Variants in BOD1L1 observed in about 807,000 individuals in gnomAD.
The protein encoded by BOD1L1 is biorientation of chromosomes in cell division protein 1-like 1.
BOD1L1 carries 86 observed loss-of-function variants against 240.7 expected under a neutral mutation model. The ratio of observed to expected loss-of-function variants is 0.36; its 90% CI spans 0.30 to 0.43. The LOEUF is 0.43. Ranked by LOEUF, BOD1L1 falls within the 20% of genes least tolerant of loss-of-function variation. The pLI is 1.00. For synonymous variants in BOD1L1, 1,268 were observed against 1,272.3 expected (o/e 1.00, Z 0.07); for missense variants, 3,554 against 3,643.5 (o/e 0.98, Z 0.63).
intron 6 of BOD1L1, among the ~76,000 whole-genome samples, chr4:13,610,288 T>G (rs368022498): frequency 6.6e-6 from 1 of 152,244 alleles, no homozygotes; most frequent in Non-Finnish European, 1.5e-5. Context: ...AATAGGTAAA[T>G]AGCATTTCCA....
chr4:13,571,503 C>T (rs182641867), intron 25 of BOD1L1, among the ~76,000 whole-genome samples: 6 of 152,342 alleles, frequency 3.9e-5, no homozygotes, highest in Admixed American at 3.9e-4. Flanking sequence ...ACTCAATGAA[C>T]ACCTCTTCAG....
At chr4:13,594,886 C>T (rs1221437736) in intron 12 of BOD1L1, among the ~76,000 whole-genome samples, 2 of 152,142 alleles carry the variant, frequency 1.3e-5, no homozygotes, top group African/African-American at 4.8e-5. Flanking sequence ...CAGAGTGAGA[C>T]TCCATCTCAA....
At chr4:13,588,697 A>C (rs1221102288) in intron 15 of BOD1L1, 25 bp downstream of exon 15, 11 of 1,539,838 alleles carry the variant, frequency 7.1e-6, no homozygotes, top group Non-Finnish European at 9.7e-6. Context: ...TAAAATATCA[A>C]ACACTTGAGT....
At chr4:13,595,710 A>G (rs1189135714) in intron 12 of BOD1L1, 150 bp downstream of exon 12, 29 of 552,182 alleles carry the variant, frequency 5.3e-5, no homozygotes, top group Non-Finnish European at 8.6e-5. Flanking sequence ...ATAAAATAGT[A>G]AAGAATTCTC....
In BOD1L1 at chr4:13,602,009, G is replaced by C. The variant is rs773987899; in HGVS notation, c.4891C>G (p.Leu1631Val). ...AESEDRAADL[L>V]AVHAVKIEAN... ...TCGATTTTAACTGCATGCACAGCCAGTAGGTCTGCTGCTCTGTCCTCAGAT... is the reference window on the plus strand; with the variant it reads ...TCGATTTTAACTGCATGCACAGCCACTAGGTCTGCTGCTCTGTCCTCAGAT... Residue 1631 changes from leucine (L) to valine (V), a missense_variant, in exon 10 of 26, where the codon CTG (leucine) becomes GTG (valine). Leu to Val is a conservative substitution (Grantham distance 32). Around this residue, in one of 2 missense-constraint regions of BOD1L1, gnomAD observed 3,393 missense variants for 3,427.1 expected, o/e 0.99. Coordinates refer to ENST00000040738, the MANE Select transcript of BOD1L1 (RefSeq NM_148894.3). 3.0e-5 allele frequency: 48 copies of C among 1,613,868 alleles called. No homozygotes were observed. Among genetic ancestry groups the C allele is most frequent in the Non-Finnish European group, 8.5e-6 (10 of 1,179,906 alleles).
At chr4:13,584,275 A>G (rs139581236) in intron 17 of BOD1L1, among the ~76,000 whole-genome samples, 93 of 152,300 alleles carry the variant, frequency 6.1e-4, no homozygotes, top group Non-Finnish European at 9.7e-4. Flanking sequence ...TTATCAGCAC[A>G]TCAACACTGA....
At position 13,599,079 on chromosome 4, in the gene BOD1L1, A is replaced by G. The variant is rs1714850908; in HGVS notation, c.7821T>C (p.Asn2607=). 1.2e-6 allele frequency: 2 copies of G among 1,613,934 alleles called. No homozygotes were observed. Among genetic ancestry groups the G allele is most frequent in the East Asian group, 2.2e-5 (1 of 44,868 alleles). Residue 2607 remains asparagine, a synonymous_variant, in exon 10 of 26, where the codon AAT becomes AAC. Transcript: ENST00000040738. ...GATCAGTCCATTTGCCACTATAATCATTCTTTATAGTCAAGTCCTGCTCAC... is the reference window on the plus strand; with the variant it reads ...GATCAGTCCATTTGCCACTATAATCGTTCTTTATAGTCAAGTCCTGCTCAC... ...PKCEQDLTIK[N]DYSGKWTDQA...
chr4:13,586,133 A>G (rs1713665993), intron 17 of BOD1L1, among the ~76,000 whole-genome samples: 1 of 152,184 alleles, frequency 6.6e-6, no homozygotes, highest in Non-Finnish European at 1.5e-5. Context: ...AATCAATACT[A>G]CTACTGAACA....
rs1028957072 is a variant in BOD1L1 at position 13,608,418 on chromosome 4, T to C, written c.1742+112A>G. 1.6e-4 allele frequency: 141 copies of C among 900,074 alleles called. 1 individual carries two copies. Among genetic ancestry groups the C allele is most frequent in the Non-Finnish European group, 2.1e-4 (138 of 647,366 alleles). The allele number at this position is 900,074 out of a possible 1,614,324, so 55.8% of individuals were successfully genotyped here. On this transcript the variant is annotated intron_variant, in intron 8 of 25. Transcript: ENST00000040738. ...GAAACCCTAAGGTCCTTCATAAACA[T>C]GCAGTAACATACACAACCAAAGTAC...
In BOD1L1 at chr4:13,613,741, C is replaced by G. The variant is rs1716360660; in HGVS notation, c.1175-80G>C. On this transcript the variant is annotated intron_variant, in intron 4 of 25. Transcript: ENST00000040738. This position sits in a 1 kb window ranked among gnomAD's most constrained non-coding sequence, Gnocchi z 4.0. ...CTCAGAGCTCAATTACTAAATTACA[C>G]TTAAAATTTTCTGCTTTAAATACGT... The G allele has an allele frequency of 2.5e-6, 3 of 1,181,354 alleles. No individual in the cohort carries two copies. The highest frequency in any genetic ancestry group is 3.0e-5 in the African/African-American group (2 of 65,626). 73.2% of individuals were successfully genotyped at this position (1,181,354 alleles called of 1,614,324 possible).
In BOD1L1 at chr4:13,601,250, A is replaced by T; in HGVS notation, c.5650T>A (p.Ser1884Thr). 1 of 1,613,924 alleles carries T rather than the reference A, an allele frequency of 6.2e-7. No individual in the cohort carries two copies. The highest frequency in any genetic ancestry group is 8.5e-7 in the Non-Finnish European group (1 of 1,179,878). The change falls in exon 10 of 26, where the codon TCA becomes ACA. Residue 1884 changes from serine to threonine, a missense_variant. By Grantham distance (58) the Ser-to-Thr change is moderately conservative. Transcript: ENST00000040738. ...TGRGNEIGHASTCTGLGEESE... is the reference protein window; with the variant it reads ...TGRGNEIGHATTCTGLGEESE... The stretch of plus-strand genomic sequence containing the variant: ...TCTTCTCCTAACCCTGTACAAGTTG[A>T]AGCATGCCCAATTTCATTTCCTCTT...
chr4:13,607,149 C>G lies in BOD1L1; in HGVS notation c.1783G>C (p.Glu595Gln). ...GTTTTAAGGGTTTCTTTGGAATCTT[C>G]TTCATATTGCTGTTTCTTTTTGGAG... ...ENSKKKQQYE[E>Q]DSKETLKTSE... Residue 595 changes from glutamate to glutamine, a missense_variant, in exon 9 of 26, where the codon GAA (glutamate) becomes CAA (glutamine). This residue lies in a region of BOD1L1 where 3,393 missense variants were observed against 3,427.1 expected (regional missense o/e 0.99). Transcript: ENST00000040738. 1 of 1,574,446 alleles carries G rather than the reference C, an allele frequency of 6.4e-7. No homozygotes were observed. Among genetic ancestry groups the G allele is most frequent in the Non-Finnish European group, 8.6e-7 (1 of 1,160,238 alleles).
chr4:13,588,373 C>T (rs1713897875), intron 15 of BOD1L1, among the ~76,000 whole-genome samples: 2 of 152,104 alleles, frequency 1.3e-5, no homozygotes, highest in African/African-American at 4.8e-5. Context: ...TATCATTTCA[C>T]CATTTCTGAA....
chr4:13,626,536 C>A (rs1319786030), intron 1 of BOD1L1, among the ~76,000 whole-genome samples: 1 of 152,140 alleles, frequency 6.6e-6, no homozygotes, highest in Non-Finnish European at 1.5e-5. Flanking sequence ...CTTTGCCAAT[C>A]CAGCTAAGTT....
chr4:13,627,253 G>A (rs992455257), intron 1 of BOD1L1, 92 bp downstream of exon 1: 10 of 608,234 alleles, frequency 1.6e-5, no homozygotes, highest in Non-Finnish European at 2.0e-5. Context: ...GTGGCACACA[G>A]CTGCAGCTCC....
rs1250605898 is a variant in BOD1L1, at chr4:13,581,152, A to G, written c.8648T>C (p.Val2883Ala). 3 of 1,577,394 alleles carry G rather than the reference A, an allele frequency of 1.9e-6. No individual in the cohort carries two copies. The highest frequency in any genetic ancestry group is 2.6e-6 in the Non-Finnish European group (3 of 1,159,424). ...CCTACTCATTTTTAACGTTGTTTCT[A>G]CAGGGTATTTGCGAGGTCTTCCTCT... The part of the protein sequence containing the change: ...RKRGRPRKYP[V>A]ETTLKMKDDS... The change falls in exon 20 of 26, where the codon GTA (valine) becomes GCA (alanine). Residue 2883 changes from valine (V) to alanine (A), a missense_variant. Around this residue, in one of 2 missense-constraint regions of BOD1L1, gnomAD observed 3,393 missense variants for 3,427.1 expected, o/e 0.99. Transcript: ENST00000040738.
intron 8 of BOD1L1, among the ~76,000 whole-genome samples, chr4:13,607,652 T>G (rs1440604457): frequency 2.0e-5 from 3 of 152,194 alleles, no homozygotes; most frequent in Non-Finnish European, 4.4e-5. Flanking sequence ...ACATTTCAAT[T>G]TAAATCCTAT....
At chr4:13,578,756 A>T (rs982494183) in intron 22 of BOD1L1, among the ~76,000 whole-genome samples, 1 of 152,158 alleles carries the variant, frequency 6.6e-6, no homozygotes, top group African/African-American at 2.4e-5. Flanking sequence ...AAGTATTATG[A>T]TCCCAGCCTA....
intron 25 of BOD1L1, among the ~76,000 whole-genome samples, chr4:13,576,347 G>T (rs904059464): frequency 3.9e-5 from 6 of 152,058 alleles, no homozygotes; most frequent in Admixed American, 3.9e-4. Context: ...ACACATTTTG[G>T]GAAATATATG....
Sources: gnomAD v4.1 joint callset for allele counts (sites outside exome capture counted in the v4.1 genomes callset) on GRCh38, gnomAD v4.1.1 for gene constraint, gnomAD v4.1.1 regional missense constraint, Gnocchi (gnomAD v3.1) non-coding constraint, MANE v1.5 for transcripts, NCBI Gene and HGNC (gene_info 2026-07-23, HGNC 2026-07-21) for gene names.